The following CACNA1E variants were observed in gnomAD, a reference collection of about 807,000 sequenced individuals.
The protein encoded by CACNA1E is voltage-dependent R-type calcium channel subunit alpha-1E.
CACNA1E carries 40 observed loss-of-function variants against 259.2 expected under a neutral mutation model. The ratio of observed to expected loss-of-function variants is 0.15; its 90% CI spans 0.12 to 0.20. The LOEUF is 0.20. Among genes scored for constraint, CACNA1E ranks in the 10% least tolerant of loss-of-function variants. CACNA1E has a pLI of 1.00. For missense variants in CACNA1E, 1,874 were observed against 3,040.1 expected (o/e 0.62, Z 9.02); for synonymous variants, 1,104 against 1,138.5 (o/e 0.97, Z 0.61).
intron 25 of CACNA1E, among the ~76,000 whole-genome samples, chr1:181,745,848 C>T (rs1192295714): frequency 6.6e-6 from 1 of 152,240 alleles, no homozygotes; most frequent in Admixed American, 6.5e-5. Context: ...AATAATAAAA[C>T]TGCTAGGAGA....
At chr1:181,554,217 T>C (rs1342438815) in intron 3 of CACNA1E, among the ~76,000 whole-genome samples, 3 of 152,170 alleles carry the variant, frequency 2.0e-5, no homozygotes, top group African/African-American at 7.2e-5. Flanking sequence ...TTTGCCATGT[T>C]GCCCAGGCTG....
At chr1:181,534,385 C>A (rs1033957752) in intron 3 of CACNA1E, among the ~76,000 whole-genome samples, 13 of 152,198 alleles carry the variant, frequency 8.5e-5, no homozygotes, top group African/African-American at 3.1e-4. Context: ...AATATACATA[C>A]AATTTTGATG....
chr1:181,428,139 G>A (rs970739598), intron 2 of CACNA1E, among the ~76,000 whole-genome samples: 3 of 152,096 alleles, frequency 2.0e-5, no homozygotes, highest in Non-Finnish European at 4.4e-5. Flanking sequence ...TCTTTCCCAC[G>A]CTATGCCCTC....
At chr1:181,482,687 C>T (rs1190606500), upstream of CACNA1E, among the ~76,000 whole-genome samples, 1 of 152,260 alleles carries the variant, frequency 6.6e-6, no homozygotes, top group Non-Finnish European at 1.5e-5. Flanking sequence ...TCCAGTGCTC[C>T]GCCGAGGGCG....
intron 2 of CACNA1E, among the ~76,000 whole-genome samples, chr1:181,446,861 G>C (rs939713722): frequency 2.6e-5 from 4 of 151,936 alleles, no homozygotes; most frequent in Admixed American, 2.6e-4. Flanking sequence ...CCTGTGTTTG[G>C]TGTAAATGGT....
chr1:181,689,917 C>A (rs1235463608), intron 7 of CACNA1E, among the ~76,000 whole-genome samples: 1 of 151,950 alleles, frequency 6.6e-6, no homozygotes, highest in Non-Finnish European at 1.5e-5. Context: ...TTCTCCTATT[C>A]TGTAAGTTGC....
chr1:181,420,408 G>A (rs1025565320), intron 2 of CACNA1E, among the ~76,000 whole-genome samples: 8 of 152,136 alleles, frequency 5.3e-5, no homozygotes, highest in Non-Finnish European at 1.2e-4. Flanking sequence ...TGTTTATTGT[G>A]TACTAAGTTT....
intron 6 of CACNA1E, among the ~76,000 whole-genome samples, chr1:181,608,113 T>C (rs1307778019): frequency 6.6e-6 from 1 of 152,186 alleles, no homozygotes; most frequent in Non-Finnish European, 1.5e-5. Context: ...CTGATGCTTC[T>C]GGTGCCACCT....
chr1:181,518,318 C>T (rs549877330), intron 3 of CACNA1E, among the ~76,000 whole-genome samples: 1 of 152,026 alleles, frequency 6.6e-6, no homozygotes, highest in Non-Finnish European at 1.5e-5. Context: ...CTCTCAGCAT[C>T]GTTGCTGGCT....
intron 1 of CACNA1E, among the ~76,000 whole-genome samples, chr1:181,358,078 T>C (rs1448781031): frequency 1.3e-5 from 2 of 151,642 alleles, no homozygotes; most frequent in Non-Finnish European, 2.9e-5. Context: ...CTGAGGAGAG[T>C]AGAGGGGTTT....
intron 1 of CACNA1E, among the ~76,000 whole-genome samples, chr1:181,486,218 A>T (rs889098755): frequency 6.6e-6 from 1 of 152,232 alleles, no homozygotes; most frequent in East Asian, 1.9e-4. Flanking sequence ...TGATTTCAGC[A>T]TCATGCTCAG....
intron 1 of CACNA1E, among the ~76,000 whole-genome samples, chr1:181,351,161 G>T (rs2102671612): frequency 6.6e-6 from 1 of 152,294 alleles, no homozygotes; most frequent in South Asian, 2.1e-4. Context: ...AGTGGCTGGG[G>T]CTGGGAATAC....
intron 19 of CACNA1E, among the ~76,000 whole-genome samples, chr1:181,731,440 A>T (rs1344380405): frequency 3.9e-5 from 6 of 152,000 alleles, no homozygotes; most frequent in African/African-American, 1.5e-4. Context: ...TACCTTTGTG[A>T]ACTGTGTGTT....
intron 1 of CACNA1E, among the ~76,000 whole-genome samples, chr1:181,345,758 C>T (rs1452933123): frequency 6.6e-6 from 1 of 152,220 alleles, no homozygotes; most frequent in Admixed American, 6.5e-5. Context: ...TTGCTCATTT[C>T]CCCGCTTCTT....
chr1:181,473,768 G>A (rs941782021), intron 2 of CACNA1E, among the ~76,000 whole-genome samples: 15 of 152,164 alleles, frequency 9.9e-5, no homozygotes, highest in Admixed American at 2.0e-4. Flanking sequence ...TGATATCAGC[G>A]AGATGAATTA....
At chr1:181,585,539 T>C (rs980193195) in intron 6 of CACNA1E, among the ~76,000 whole-genome samples, 8 of 152,080 alleles carry the variant, frequency 5.3e-5, no homozygotes, top group Admixed American at 3.9e-4. Context: ...GGAAAACATA[T>C]GGTATATCAG....
chr1:181,359,182 T>A (rs577297314), intron 1 of CACNA1E, among the ~76,000 whole-genome samples: 1 of 152,212 alleles, frequency 6.6e-6, no homozygotes, highest in Non-Finnish European at 1.5e-5. Context: ...TGTACAATCA[T>A]ATTGATATAA....
intron 1 of CACNA1E, among the ~76,000 whole-genome samples, chr1:181,404,887 G>A (rs748050405): frequency 2.0e-5 from 3 of 152,228 alleles, no homozygotes; most frequent in South Asian, 4.1e-4. Flanking sequence ...TGAGGCACTC[G>A]AGGGCTGTGA....
At chr1:181,350,413 C>A (rs960760121) in intron 1 of CACNA1E, among the ~76,000 whole-genome samples, 41 of 152,244 alleles carry the variant, frequency 2.7e-4, no homozygotes, top group Admixed American at 1.3e-3. Flanking sequence ...GCTTTAAGCA[C>A]CCCTCCTCTT....
Sources: gnomAD v4.1 joint callset for allele counts (sites outside exome capture counted in the v4.1 genomes callset) on GRCh38, gnomAD v4.1.1 for gene constraint, MANE v1.5 for transcripts, NCBI Gene and HGNC (gene_info 2026-07-23, HGNC 2026-07-21) for gene names.